WWOX: variants seen among roughly 807,000 people sequenced by gnomAD.
WWOX encodes the protein WW domain-containing oxidoreductase.
A neutral mutation model predicts 46.2 loss-of-function variants in WWOX; 69 were observed. The ratio of observed to expected loss-of-function variants is 1.49; its 90% CI spans 1.23 to 1.82. WWOX has a LOEUF of 1.82. Among genes scored for constraint, WWOX ranks in the 40% most tolerant of loss-of-function variants. WWOX has a pLI of 0.00. For missense variants in WWOX, 919 were observed against 542.6 expected (o/e 1.69, Z -6.89); for synonymous variants, 359 against 202.6 (o/e 1.77, Z -6.56).
chr16:78,350,465 C>A (rs1314611189), intron 5 of WWOX, among the ~76,000 whole-genome samples: 1 of 120,850 alleles, frequency 8.3e-6, no homozygotes, highest in African/African-American at 2.8e-5. Flanking sequence ...CACTCCCAAC[C>A]TCTCTCCCAG....
intron 8 of WWOX, among the ~76,000 whole-genome samples, chr16:78,621,681 C>T (rs115602565): frequency 0.026 from 3,616 of 141,004 alleles, 186 homozygotes; most frequent in African/African-American, 0.092. Context: ...CTCGGCTCAC[C>T]ACGAGCTCTG....
chr16:78,410,166 C>T (rs183923961), intron 6 of WWOX, among the ~76,000 whole-genome samples: 95 of 152,302 alleles, frequency 6.2e-4, no homozygotes, highest in African/African-American at 9.6e-4. Context: ...TTTTGCCTTC[C>T]GCCATGACTG....
chr16:78,733,826 G>T (rs990906020), intron 8 of WWOX, among the ~76,000 whole-genome samples: 2 of 151,980 alleles, frequency 1.3e-5, no homozygotes, highest in African/African-American at 4.8e-5. Flanking sequence ...AGCACTTTGG[G>T]AGTCCAAGGC....
In WWOX at chr16:78,966,782, C is replaced by G. The variant is rs375615738; in HGVS notation, c.1057-244826C>G. On this transcript the variant is annotated intron_variant, in intron 8 of 8. Coordinates refer to ENST00000566780, the MANE Select transcript of WWOX (RefSeq NM_016373.4). ...TGAAAATGGAGGTCTGGATTCAAAT[C>G]ACATGTGCCAACTGTTCTACTTTGG... 4.6e-5 allele frequency among the ~76,000 whole-genome samples: 7 copies of G among 152,288 alleles called. No individual in the cohort carries two copies. In the East Asian group the frequency reaches 1.2e-3, roughly 25 times the overall value.
intron 8 of WWOX, among the ~76,000 whole-genome samples, chr16:78,945,147 T>A (rs1157891403): frequency 6.6e-6 from 1 of 151,642 alleles, no homozygotes; most frequent in South Asian, 2.1e-4. Flanking sequence ...ACCTCTGGAG[T>A]CCACCCTGGG....
At chr16:79,194,985 C>T (rs1000358703) in intron 8 of WWOX, among the ~76,000 whole-genome samples, 24 of 152,160 alleles carry the variant, frequency 1.6e-4, no homozygotes, top group African/African-American at 5.1e-4. Flanking sequence ...CTACTACTAC[C>T]GCCACTGCTG....
At chr16:79,167,949 C>T (rs1026770915) in intron 8 of WWOX, among the ~76,000 whole-genome samples, 1 of 152,210 alleles carries the variant, frequency 6.6e-6, no homozygotes, top group African/African-American at 2.4e-5. Context: ...TTTGCCTATT[C>T]TGGGTATACC....
chr16:78,205,633 C>G (rs1468116045), intron 5 of WWOX, among the ~76,000 whole-genome samples: 1 of 151,988 alleles, frequency 6.6e-6, no homozygotes, highest in Non-Finnish European at 1.5e-5. Flanking sequence ...AATTATCCAC[C>G]CTTCCATCCA....
chr16:78,508,903 C>T (rs1053451336), intron 8 of WWOX, among the ~76,000 whole-genome samples: 2 of 152,228 alleles, frequency 1.3e-5, no homozygotes, highest in African/African-American at 4.8e-5. Flanking sequence ...ATTTAATTAT[C>T]TTCTGCTGTT....
chr16:78,216,018 G>T (rs1363119645), intron 5 of WWOX, among the ~76,000 whole-genome samples: 3 of 152,182 alleles, frequency 2.0e-5, no homozygotes, highest in African/African-American at 7.2e-5. Flanking sequence ...CTGGCTCCTG[G>T]CAGGACAGTG....
At chr16:78,419,625 CAAAAAAAAAAAAAAAA>C (rs60762734) in intron 6 of WWOX, among the ~76,000 whole-genome samples, 1 of 44,692 alleles carries the variant, frequency 2.2e-5, no homozygotes, top group Non-Finnish European at 4.6e-5. Flanking sequence ...CAAAAAATAG[CAAAAAAAAAAAAAAAA>C]AAAAAAAAAG....
At chr16:78,526,396 T>G in intron 8 of WWOX, 1 of 152,220 alleles carries the variant, frequency 6.6e-6, no homozygotes, top group East Asian at 1.9e-4. Flanking sequence ...TGTGGGGGCC[T>G]AATTCTAGTG....
At chr16:78,641,146 C>G (rs1024863399) in intron 8 of WWOX, among the ~76,000 whole-genome samples, 2 of 152,176 alleles carry the variant, frequency 1.3e-5, no homozygotes, top group South Asian at 2.1e-4. Context: ...CAAAAAAATT[C>G]TCTTCCTTGG....
chr16:78,787,361 A>G (rs1303638045), intron 8 of WWOX, among the ~76,000 whole-genome samples: 1 of 151,938 alleles, frequency 6.6e-6, no homozygotes, highest in Non-Finnish European at 1.5e-5. Context: ...AACCACATCT[A>G]CTTTGTGTCT....
At position 78,342,434 on chromosome 16, in the gene WWOX, C is replaced by T. The variant is rs2081033089; in HGVS notation, c.517-44426C>T. ...GCCTCCAAAGTCAAGGACTCTGTAA[C>T]AGGATGAAGCAGCATTTTTTATGGG... On this transcript the variant is annotated intron_variant, in intron 5 of 8. Coordinates refer to ENST00000566780, the MANE Select transcript of WWOX (RefSeq NM_016373.4). Among the ~76,000 whole-genome samples, 5 of 120,832 alleles carry T rather than the reference C, an allele frequency of 4.1e-5. 1 individual carries two copies. The highest frequency in any genetic ancestry group is 4.0e-4 in the Admixed American group (5 of 12,440). The allele number at this position is 120,832 out of a possible 152,430, so 79.3% of individuals were successfully genotyped here.
intron 8 of WWOX, among the ~76,000 whole-genome samples, chr16:78,629,881 TTATC>T (rs1424443982): frequency 1.3e-5 from 2 of 152,342 alleles, no homozygotes; most frequent in East Asian, 3.9e-4. Context: ...TTTTAGAAAA[TTATC>T]TAAGAAGTAG....
chr16:79,105,063 G>A (rs961580481), intron 8 of WWOX, among the ~76,000 whole-genome samples: 11 of 152,104 alleles, frequency 7.2e-5, no homozygotes, highest in Non-Finnish European at 1.5e-4. Context: ...AGTGGAAAAT[G>A]TGATATGACA....
chr16:78,469,331 A>G (rs968701331), intron 8 of WWOX, among the ~76,000 whole-genome samples: 3 of 152,242 alleles, frequency 2.0e-5, no homozygotes, highest in South Asian at 4.1e-4. Context: ...CAGAACAAGG[A>G]AAATATAGCT....
At chr16:79,141,537 T>C (rs1482834466) in intron 8 of WWOX, among the ~76,000 whole-genome samples, 20 of 152,256 alleles carry the variant, frequency 1.3e-4, no homozygotes, top group Admixed American at 1.2e-3. Context: ...CTCATTTTAA[T>C]CGGAAGGAAG....
Sources: allele counts gnomAD v4.1 joint callset (sites outside exome capture counted in the v4.1 genomes callset), GRCh38; gene constraint gnomAD v4.1.1; transcripts MANE v1.5; gene names NCBI Gene and HGNC (gene_info 2026-07-23, HGNC 2026-07-21).